SDK1: variants seen among roughly 807,000 people sequenced by gnomAD.
SDK1 encodes protein sidekick-1.
SDK1 carries 157 observed loss-of-function variants against 245.5 expected under a neutral mutation model. That is an observed-to-expected ratio of 0.64 (90% CI 0.56 to 0.73). SDK1 has a LOEUF of 0.73. Ranked by LOEUF, SDK1 falls within the 30% of genes least tolerant of loss-of-function variation. The pLI is 0.00. For synonymous variants in SDK1, 1,647 were observed against 1,278.5 expected (o/e 1.29, Z -6.15); for missense variants, 3,583 against 3,002.3 (o/e 1.19, Z -4.52).
intron 1 of SDK1, among the ~76,000 whole-genome samples, chr7:3,584,817 G>A (rs1414013548): frequency 3.0e-4 from 46 of 151,576 alleles, no homozygotes; most frequent in South Asian, 2.1e-4. Flanking sequence ...TCCGCCTCCC[G>A]GGTTCACGCC....
chr7:3,556,379 G>C (rs1296079778), intron 1 of SDK1, among the ~76,000 whole-genome samples: 1 of 152,086 alleles, frequency 6.6e-6, no homozygotes, highest in Non-Finnish European at 1.5e-5. Flanking sequence ...GGAGATAAAG[G>C]GTAGAATGGT....
At chr7:3,644,339 T>C (rs1019401106) in intron 4 of SDK1, among the ~76,000 whole-genome samples, 10 of 151,792 alleles carry the variant, frequency 6.6e-5, no homozygotes, top group Non-Finnish European at 8.8e-5. Context: ...CTATCCTTTT[T>C]TCTTTATTTA....
intron 32 of SDK1, 131 bp downstream of exon 32, chr7:4,161,987 A>T (rs1781165657): frequency 4.3e-6 from 3 of 703,742 alleles, no homozygotes. Flanking sequence ...CCAAGGAGAC[A>T]CACCCTCAGA....
chr7:3,719,478 G>C (rs990157049), intron 4 of SDK1, among the ~76,000 whole-genome samples: 2 of 152,142 alleles, frequency 1.3e-5, no homozygotes, highest in Non-Finnish European at 2.9e-5. Context: ...AGAGAACCCA[G>C]AAACAGACCC....
At chr7:3,769,533 C>G (rs1210440046) in intron 4 of SDK1, among the ~76,000 whole-genome samples, 1 of 152,198 alleles carries the variant, frequency 6.6e-6, no homozygotes, top group Non-Finnish European at 1.5e-5. Context: ...AAGCTCCCAT[C>G]TCTCAATACT....
At chr7:3,694,057 C>G (rs1376888762) in intron 4 of SDK1, among the ~76,000 whole-genome samples, 1 of 152,110 alleles carries the variant, frequency 6.6e-6, no homozygotes, top group Non-Finnish European at 1.5e-5. Flanking sequence ...TCATAGTTCA[C>G]CTTTTATGAT....
intron 1 of SDK1, among the ~76,000 whole-genome samples, chr7:3,346,785 A>ATG (rs1562430090): frequency 9.8e-6 from 1 of 102,066 alleles, no homozygotes; most frequent in African/African-American, 4.2e-5. Flanking sequence ...GTATACATAT[A>ATG]TATGTATGTG....
chr7:3,572,043 A>T (rs752361707), intron 1 of SDK1, among the ~76,000 whole-genome samples: 1 of 152,212 alleles, frequency 6.6e-6, no homozygotes, highest in East Asian at 1.9e-4. Context: ...CTAACTATCA[A>T]TGCCAAACAG....
At chr7:3,433,756 A>G (rs909115226) in intron 1 of SDK1, among the ~76,000 whole-genome samples, 5 of 152,160 alleles carry the variant, frequency 3.3e-5, no homozygotes, top group East Asian at 1.9e-4. Context: ...CTTGGAGGAA[A>G]AAAGAATACT....
chr7:3,698,859 A>G (rs1276691943), intron 4 of SDK1, among the ~76,000 whole-genome samples: 1 of 152,184 alleles, frequency 6.6e-6, no homozygotes, highest in Non-Finnish European at 1.5e-5. Flanking sequence ...CAAATGTCCT[A>G]TCTCTAAATG....
At position 4,024,237 on chromosome 7, in the gene SDK1, A is replaced by G. The variant is rs184903976; in HGVS notation, c.2602+6885A>G. On this transcript the variant is annotated intron_variant, in intron 17 of 44. Coordinates refer to ENST00000404826, the MANE Select transcript of SDK1 (RefSeq NM_152744.4). ...CTAAAACATTAGTAAAAGCTCCTAAATGTTCACTTGGGCTTTGAAAGGTTT... is the reference window on the plus strand; with the variant it reads ...CTAAAACATTAGTAAAAGCTCCTAAGTGTTCACTTGGGCTTTGAAAGGTTT... Among the ~76,000 whole-genome samples the G allele has an allele frequency of 3.0e-4, 46 of 152,330 alleles. No individual in the cohort carries two copies. The East Asian group carries it at 4.8e-3, about 16-fold the overall frequency.
At chr7:4,016,927 T>G (rs888370400) in intron 16 of SDK1, among the ~76,000 whole-genome samples, 1 of 152,234 alleles carries the variant, frequency 6.6e-6, no homozygotes, top group South Asian at 2.1e-4. Flanking sequence ...CTGTAATTTT[T>G]TCTTAACCGT....
At chr7:3,760,368 GTTTC>G (rs201356920) in intron 4 of SDK1, among the ~76,000 whole-genome samples, 1,616 of 152,190 alleles carry the variant, frequency 0.011, 36 homozygotes, top group Admixed American at 0.05. Context: ...CCTGTTACCT[GTTTC>G]TTTCTGAATA....
chr7:4,145,289 T>C (rs986111439), intron 28 of SDK1, among the ~76,000 whole-genome samples: 9 of 152,250 alleles, frequency 5.9e-5, no homozygotes, highest in African/African-American at 1.9e-4. Flanking sequence ...GTGGAGCTGC[T>C]GTCCTGCCTG....
chr7:4,028,248 C>A (rs113592504), intron 17 of SDK1, among the ~76,000 whole-genome samples: 3,117 of 152,250 alleles, frequency 0.02, 51 homozygotes, highest in South Asian at 0.043. Flanking sequence ...AATTTAGGAA[C>A]CTTCTTTAGG....
At chr7:4,251,465 G>A (rs1787290613) in intron 44 of SDK1, among the ~76,000 whole-genome samples, 1 of 152,216 alleles carries the variant, frequency 6.6e-6, no homozygotes, top group South Asian at 2.1e-4. Flanking sequence ...CATAGGAATT[G>A]TTGTCTACCA....
chr7:4,019,639 G>A (rs548156682), intron 17 of SDK1, among the ~76,000 whole-genome samples: 3 of 152,078 alleles, frequency 2.0e-5, no homozygotes, highest in East Asian at 3.9e-4. Context: ...ATGAGTGAAC[G>A]TTAGTGGATA....
intron 1 of SDK1, among the ~76,000 whole-genome samples, chr7:3,519,437 G>C (rs1055432155): frequency 1.3e-5 from 2 of 152,074 alleles, no homozygotes; most frequent in Non-Finnish European, 2.9e-5. Context: ...TGTGAGCCTT[G>C]CTACCCAACA....
At chr7:4,127,920 T>C (rs758137408) in intron 26 of SDK1, among the ~76,000 whole-genome samples, 1 of 152,204 alleles carries the variant, frequency 6.6e-6, no homozygotes, top group Non-Finnish European at 1.5e-5. Flanking sequence ...GCCTTGCTCA[T>C]GTGAAGGGCT....
Sources: gnomAD v4.1 joint callset for allele counts (sites outside exome capture counted in the v4.1 genomes callset) on GRCh38, gnomAD v4.1.1 for gene constraint, MANE v1.5 for transcripts, NCBI Gene and HGNC (gene_info 2026-07-23, HGNC 2026-07-21) for gene names.